The following ESPNL variants were observed in gnomAD, a reference collection of about 807,000 sequenced individuals.
The protein encoded by ESPNL is espin-like protein.
ESPNL carries 49 observed loss-of-function variants against 46.8 expected under a neutral mutation model. The ratio of observed to expected loss-of-function variants is 1.05; its 90% CI spans 0.83 to 1.33. ESPNL has a LOEUF of 1.33. Ranked by LOEUF, ESPNL falls within the 40% of genes most tolerant of loss-of-function variation. The pLI is 0.00. For missense variants in ESPNL, 1,540 were observed against 1,436.6 expected (o/e 1.07, Z -1.16); for synonymous variants, 664 against 662.1 (o/e 1.00, Z -0.04).
rs866979525 is a variant in ESPNL, at chr2:238,130,458, G to T, written c.1744G>T (p.Val582Leu). ...EPAGSAEASE[V>L]APGVQPLPFW... ...CGCAGGGTCTGCGGAGGCCTCAGAG[G>T]TGGCCCCCGGGGTGCAGCCCCTGCC... Residue 582 changes from valine (V) to leucine (L), a missense_variant, in exon 9 of 9, where the codon GTG becomes TTG. Coordinates refer to ENST00000343063, the MANE Select transcript of ESPNL (RefSeq NM_194312.4). 3 of 1,602,608 alleles carry T rather than the reference G, an allele frequency of 1.9e-6. No individual in the cohort carries two copies. In the East Asian group the frequency reaches 6.8e-5, roughly 36 times the overall value.
chr2:238,128,679 C>T, intron 7 of ESPNL, 28 bp from the exon 8 acceptor site: 4 of 1,571,550 alleles, frequency 2.5e-6, no homozygotes, highest in Non-Finnish European at 2.6e-6. Flanking sequence ...CCCCTTCGGG[C>T]CTGTGTGACC....
chr2:238,130,538 G>A lies in ESPNL; in HGVS notation c.1824G>A (p.Lys608=). The A allele has an allele frequency of 6.3e-7, 1 of 1,591,140 alleles. No homozygotes were observed. The highest frequency in any genetic ancestry group is 1.3e-5 in the African/African-American group (1 of 74,848). The change falls in exon 9 of 9, where the codon AAG becomes AAA. Residue 608 remains lysine (K), a synonymous_variant. Coordinates refer to ENST00000343063, the MANE Select transcript of ESPNL (RefSeq NM_194312.4). ...TACGCAGCCTGTCCCTGCTGCTGAAGGGCGTGCATGGGCTAGTACAGGGGG... is the reference window on the plus strand; with the variant it reads ...TACGCAGCCTGTCCCTGCTGCTGAAAGGCGTGCATGGGCTAGTACAGGGGG... ...RLVRSLSLLL[K]GVHGLVQGDE...
At position 238,130,642 on chromosome 2, in the gene ESPNL, G is replaced by A. The variant is rs373308982; in HGVS notation, c.1928G>A (p.Arg643His). ...SASPPRSEAQ[R>H]QIQEWGVSVR... ...AGCCCCCCTCGGAGCGAGGCCCAGC[G>A]CCAGATCCAGGAGTGGGGGGTGTCT... Residue 643 changes from arginine (R) to histidine (H), a missense_variant, in exon 9 of 9, where the codon CGC (arginine) becomes CAC (histidine). By Grantham distance (29) the Arg-to-His change is conservative. Transcript: ENST00000343063. The A allele has an allele frequency of 3.9e-5, 61 of 1,561,274 alleles. 1 individual carries two copies. Among genetic ancestry groups the A allele is most frequent in the South Asian group, 3.8e-4 (32 of 85,114 alleles).
chr2:238,104,009 T>A (rs1043172518), intron 2 of ESPNL, among the ~76,000 whole-genome samples: 2 of 152,144 alleles, frequency 1.3e-5, no homozygotes, highest in African/African-American at 2.4e-5. Context: ...GACTCTCCTC[T>A]GGGGTGGACA....
chr2:238,116,045 A>C (rs1477866188), intron 4 of ESPNL, among the ~76,000 whole-genome samples: 1 of 152,248 alleles, frequency 6.6e-6, no homozygotes, highest in Non-Finnish European at 1.5e-5. Flanking sequence ...GGTCTATCTC[A>C]GAGATACATT....
In ESPNL at chr2:238,130,623, C is replaced by T. The variant is rs369076772; in HGVS notation, c.1909C>T (p.Pro637Ser). Residue 637 changes from proline to serine, a missense_variant, in exon 9 of 9, where the codon CCT becomes TCT. Coordinates refer to ENST00000343063, the MANE Select transcript of ESPNL (RefSeq NM_194312.4). ...DTCREASASP[P>S]RSEAQRQIQE... ...CTGCAGGGAGGCCTCGGCCAGCCCC[C>T]CTCGGAGCGAGGCCCAGCGCCAGAT... The T allele has an allele frequency of 2.6e-6, 4 of 1,562,692 alleles. No individual in the cohort carries two copies. Among genetic ancestry groups the T allele is most frequent in the Non-Finnish European group, 3.5e-6 (4 of 1,153,794 alleles).
Position 238,117,451 on chromosome 2 carries a change from C to T in ESPNL, c.987+417C>T, listed in dbSNP as rs376030662. On this transcript the variant is annotated intron_variant, in intron 5 of 8. Transcript: ENST00000343063. ...GACCACATCTGTGACTCAAGAGCCTCGGTGGCCAGAGTTCCTCGTGGGTGA... is the reference window on the plus strand; with the variant it reads ...GACCACATCTGTGACTCAAGAGCCTTGGTGGCCAGAGTTCCTCGTGGGTGA... Among the ~76,000 whole-genome samples, 26 of 146,886 alleles carry T rather than the reference C, an allele frequency of 1.8e-4. No homozygotes were observed. The East Asian group carries it at 2.1e-3, about 12-fold the overall frequency.
chr2:238,125,624 G>T (rs1006935598), intron 6 of ESPNL, among the ~76,000 whole-genome samples: 1 of 152,260 alleles, frequency 6.6e-6, no homozygotes, highest in Admixed American at 6.5e-5. Flanking sequence ...GGGTAAAAGC[G>T]GGGAGACGGG....
At position 238,116,902 on chromosome 2, in the gene ESPNL, G is replaced by T. The variant is rs1188750990; in HGVS notation, c.856-1G>T. ...TCACATGTGTGCCCTCCTCACTGCAGTGCTGCCAGACCCTAGTCTCCCACC... is the reference window on the plus strand; with the variant it reads ...TCACATGTGTGCCCTCCTCACTGCATTGCTGCCAGACCCTAGTCTCCCACC... On this transcript the variant is annotated splice_acceptor_variant, in intron 4 of 8. Coordinates refer to ENST00000343063, the MANE Select transcript of ESPNL (RefSeq NM_194312.4). LOFTEE classifies it high-confidence loss of function. The T allele has an allele frequency of 6.2e-7, 1 of 1,612,410 alleles. No homozygotes were observed. Among genetic ancestry groups the T allele is most frequent in the Non-Finnish European group, 8.5e-7 (1 of 1,179,688 alleles).
rs1002688160 is a variant in ESPNL at position 238,116,278 on chromosome 2, C to A, written c.856-625C>A. 3.9e-5 allele frequency among the ~76,000 whole-genome samples: 6 copies of A among 152,356 alleles called. No homozygotes were observed. In the East Asian group the frequency reaches 1.2e-3, roughly 29 times the overall value. ...CCTCCCCAGCTTCCTTCCCTCCCCTCTTCCTCCCCATTCCCATCACAAGAG... is the reference window on the plus strand; with the variant it reads ...CCTCCCCAGCTTCCTTCCCTCCCCTATTCCTCCCCATTCCCATCACAAGAG... On this transcript the variant is annotated intron_variant, in intron 4 of 8. Coordinates refer to ENST00000343063, the MANE Select transcript of ESPNL (RefSeq NM_194312.4).
At chr2:238,119,564 A>ATGGATGGAGGAGGTGGATGGAGGAGG (rs1244677286) in intron 5 of ESPNL, among the ~76,000 whole-genome samples, 4 of 97,508 alleles carry the variant, frequency 4.1e-5, no homozygotes, top group East Asian at 3.8e-4. Flanking sequence ...TGAAGGAGGA[A>ATGGATGGAGGAGGTGGATGGAGGAGG]TGGATGGAGG....
At position 238,125,872 on chromosome 2, in the gene ESPNL, C is replaced by T. The variant is rs79680970; in HGVS notation, c.1102+488C>T. On this transcript the variant is annotated intron_variant, in intron 6 of 8. Coordinates refer to ENST00000343063, the MANE Select transcript of ESPNL (RefSeq NM_194312.4). ...CGAGCTTCCTCCACGGGCCCTGCTG[C>T]GGCCCTGTACTCACATGTGGGAGTG... 2.8e-3 allele frequency among the ~76,000 whole-genome samples: 430 copies of T among 152,254 alleles called. 3 individuals are homozygous for T. The highest frequency in any genetic ancestry group is 9.8e-3 in the African/African-American group (407 of 41,544).
chr2:238,131,063 G>A lies in ESPNL; in HGVS notation c.2349G>A (p.Gly783=), dbSNP rs761272684. The change falls in exon 9 of 9, where the codon GGG becomes GGA. Residue 783 remains glycine, a synonymous_variant. Transcript: ENST00000343063. ...GCCAGGAGGCCGCCAGGAGCCCTGG[G>A]CCACCCTCCCCGCCCAGCGAGGGCC... ...LRGQEAARSP[G]PPSPPSEGPR... 36 of 1,539,520 alleles carry A rather than the reference G, an allele frequency of 2.3e-5. No homozygotes were observed. In the South Asian group the frequency reaches 3.2e-4, roughly 14 times the overall value.
In ESPNL at chr2:238,130,318, C is replaced by A. The variant is rs751403986; in HGVS notation, c.1604C>A (p.Ala535Asp). The A allele has an allele frequency of 2.5e-6, 4 of 1,607,260 alleles. No individual in the cohort carries two copies. The Admixed American group carries it at 5.1e-5, about 20-fold the overall frequency. ...GAGAGTGAGCTGGGCCGGTTGGCGGCTGAGCTGCAGGCCCTGCTGCCCGAG... is the reference window on the plus strand; with the variant it reads ...GAGAGTGAGCTGGGCCGGTTGGCGGATGAGCTGCAGGCCCTGCTGCCCGAG... Reference protein sequence around the residue: ...EYESELGRLAAELQALLPEPL... With the variant: ...EYESELGRLADELQALLPEPL... Residue 535 changes from alanine (A) to aspartate (D), a missense_variant, in exon 9 of 9, where the codon GCT becomes GAT. Transcript: ENST00000343063.
chr2:238,128,038 C>T (rs902908306), intron 7 of ESPNL, among the ~76,000 whole-genome samples: 5 of 152,186 alleles, frequency 3.3e-5, no homozygotes, highest in Non-Finnish European at 4.4e-5. Context: ...GCTCCGTGCC[C>T]GCTTGGAGTG....
chr2:238,116,430 G>A (rs573177611), intron 4 of ESPNL, among the ~76,000 whole-genome samples: 1 of 152,238 alleles, frequency 6.6e-6, no homozygotes, highest in East Asian at 1.9e-4. Flanking sequence ...CACTAGGGGG[G>A]AACCTCATTG....
chr2:238,126,406 GTGTA>G (rs1456274712), intron 6 of ESPNL, among the ~76,000 whole-genome samples: 1 of 150,578 alleles, frequency 6.6e-6, no homozygotes, highest in Non-Finnish European at 1.5e-5. Context: ...GATTATGCCT[GTGTA>G]TGTGTGTTTG....
At chr2:238,103,172 C>A (rs898285359) in intron 2 of ESPNL, among the ~76,000 whole-genome samples, 1 of 152,224 alleles carries the variant, frequency 6.6e-6, no homozygotes, top group Non-Finnish European at 1.5e-5. Context: ...CCTGTAATCC[C>A]AGCATCTTGG....
At chr2:238,117,504 G>A (rs1426226170) in intron 5 of ESPNL, among the ~76,000 whole-genome samples, 1 of 152,218 alleles carries the variant, frequency 6.6e-6, no homozygotes, top group African/African-American at 2.4e-5. Context: ...ATGTATGTCA[G>A]ACTGAGGAGC....
Sources: allele counts gnomAD v4.1 joint callset (sites outside exome capture counted in the v4.1 genomes callset), GRCh38; gene constraint gnomAD v4.1.1; transcripts MANE v1.5; gene names NCBI Gene and HGNC (gene_info 2026-07-23, HGNC 2026-07-21).